The following SLC39A11 variants were observed in gnomAD, a reference collection of about 807,000 sequenced individuals.
The protein encoded by SLC39A11 is solute carrier family 39 member 11, also known as zinc transporter ZIP11.
Under a neutral mutation model 36.1 loss-of-function variants are expected in SLC39A11, and 33 were observed. That is an observed-to-expected ratio of 0.91 (90% CI 0.69 to 1.22). SLC39A11 has a LOEUF of 1.22. SLC39A11 is among the 50% of genes most tolerant of loss of function. The probability of loss-of-function intolerance (pLI) is 0.00; values close to 1 mark genes in which losing one functional copy is unlikely to be tolerated. For missense variants in SLC39A11, 432 were observed against 430.3 expected, an observed-to-expected ratio of 1.00 and a Z score of -0.03; for synonymous variants, 166 against 170.3, an observed-to-expected ratio of 0.97 and a Z score of 0.20.
At chr17:72,650,816 T>G (rs886544813) in intron 7 of SLC39A11, among the ~76,000 whole-genome samples, 2 of 152,158 alleles carry the variant, frequency 1.3e-5, no homozygotes, top group Non-Finnish European at 2.9e-5. Context: ...GACTGGTAGC[T>G]GGGACCCCTG....
At chr17:72,850,961 A>C (rs1567821926) in intron 5 of SLC39A11, among the ~76,000 whole-genome samples, 1 of 152,142 alleles carries the variant, frequency 6.6e-6, no homozygotes, top group South Asian at 2.1e-4. Flanking sequence ...TGGCCACTCC[A>C]ACGTGCAAGC....
intron 5 of SLC39A11, 97 bp downstream of exon 5, chr17:72,947,655 C>T (rs1457873818): frequency 6.4e-7 from 1 of 1,563,168 alleles, no homozygotes; most frequent in African/African-American, 1.4e-5. Context: ...TGGCATTTCT[C>T]TCACTATTCA....
chr17:73,062,475 A>AAAGAAAAAAAAAAAAAAAAAAAAAAC lies in SLC39A11; in HGVS notation c.147+22332_147+22333insGTTTTTTTTTTTTTTTTTTTTTTCTT, dbSNP rs1555698615. On this transcript the variant is annotated intron_variant, in intron 3 of 9. Coordinates refer to ENST00000255559, the MANE Select transcript of SLC39A11 (RefSeq NM_139177.4). The stretch of plus-strand genomic sequence containing the variant: ...AGAGCTTGTCTCAAAAAAAAAAAAA[A>AAAGAAAAAAAAAAAAAAAAAAAAAAC]AAACTTTAGGTGATACACTTCTGCT... Among the ~76,000 whole-genome samples the AAAGAAAAAAAAAAAAAAAAAAAAAAC allele has an allele frequency of 2.3e-5, 2 of 87,034 alleles. 1 individual carries two copies. Among genetic ancestry groups the AAAGAAAAAAAAAAAAAAAAAAAAAAC allele is most frequent in the African/African-American group, 9.1e-5 (2 of 21,886 alleles). The allele number at this position is 87,034 out of a possible 152,430, so 57.1% of individuals were successfully genotyped here.
At chr17:72,653,108 T>A (rs192970109) in intron 7 of SLC39A11, among the ~76,000 whole-genome samples, 112 of 93,318 alleles carry the variant, frequency 1.2e-3, no homozygotes, top group Non-Finnish European at 1.9e-3. Flanking sequence ...CGCTTTTTTT[T>A]TCTTTTTTTT....
chr17:73,046,050 G>C (rs750951458), intron 3 of SLC39A11, among the ~76,000 whole-genome samples: 2 of 152,156 alleles, frequency 1.3e-5, no homozygotes, highest in Non-Finnish European at 2.9e-5. Flanking sequence ...TCCTATGTTT[G>C]AAGGAGAAGA....
At position 72,940,182 on chromosome 17, in the gene SLC39A11, G is replaced by A. The variant is rs920776395; in HGVS notation, c.430+7570C>T. On this transcript the variant is annotated intron_variant, in intron 5 of 9. Transcript: ENST00000255559. ...GACTGTTTCAGGTGACAGTGGAAGC[G>A]GTCATCCCTTTAACGGTGCCATCCC... 3.9e-5 allele frequency among the ~76,000 whole-genome samples: 6 copies of A among 152,120 alleles called. No homozygotes were observed. In the East Asian group the frequency reaches 7.7e-4, roughly 20 times the overall value.
intron 3 of SLC39A11, among the ~76,000 whole-genome samples, chr17:73,080,480 C>A (rs893539605): frequency 6.6e-6 from 1 of 152,094 alleles, no homozygotes; most frequent in Non-Finnish European, 1.5e-5. Flanking sequence ...ATACAAAAAT[C>A]AACTTAAGAT....
intron 3 of SLC39A11, among the ~76,000 whole-genome samples, chr17:73,045,267 AG>A (rs1189365089): frequency 3.3e-5 from 5 of 151,916 alleles, no homozygotes; most frequent in Non-Finnish European, 2.9e-5. Context: ...TAGGTCCCCC[AG>A]GTGAAGTCCT....
chr17:73,081,981 G>A (rs1053223788), intron 3 of SLC39A11, among the ~76,000 whole-genome samples: 1 of 151,390 alleles, frequency 6.6e-6, no homozygotes, highest in Non-Finnish European at 1.5e-5. Context: ...GGCTAGGGGT[G>A]AGCGATAAAA....
intron 6 of SLC39A11, among the ~76,000 whole-genome samples, chr17:72,828,920 T>TGG (rs1252309413): frequency 6.6e-6 from 1 of 152,174 alleles, no homozygotes; most frequent in African/African-American, 2.4e-5. Context: ...GGGTTGTGTG[T>TGG]GGGGAGATTA....
At chr17:72,693,387 C>T (rs1360474310) in intron 7 of SLC39A11, among the ~76,000 whole-genome samples, 3 of 152,262 alleles carry the variant, frequency 2.0e-5, no homozygotes, top group African/African-American at 7.2e-5. Flanking sequence ...GATGTTCAGA[C>T]TGGCAGTGCT....
At chr17:72,737,327 G>T (rs376654215) in intron 6 of SLC39A11, among the ~76,000 whole-genome samples, 110 of 152,168 alleles carry the variant, frequency 7.2e-4, no homozygotes, top group African/African-American at 2.5e-3. Context: ...TTGAGTGTCT[G>T]TAAATGAAGT....
intron 4 of SLC39A11, among the ~76,000 whole-genome samples, chr17:73,026,144 A>AAAGAGAGAGCAGAGGAGAG (rs2058529578): frequency 3.7e-5 from 5 of 136,094 alleles, no homozygotes; most frequent in Admixed American, 7.8e-5. Flanking sequence ...AGAGAAGAGA[A>AAAGAGAGAGCAGAGGAGAG]AAGAGAGAGC....
intron 6 of SLC39A11, among the ~76,000 whole-genome samples, chr17:72,813,280 G>A (rs2077486402): frequency 6.6e-6 from 1 of 152,102 alleles, no homozygotes; most frequent in Admixed American, 6.5e-5. Flanking sequence ...ACTCTTTTCT[G>A]GTCCCCATTG....
At chr17:72,980,352 G>A (rs1292131588) in intron 4 of SLC39A11, among the ~76,000 whole-genome samples, 1 of 152,118 alleles carries the variant, frequency 6.6e-6, no homozygotes, top group Non-Finnish European at 1.5e-5. Context: ...CCCTAAACAT[G>A]AAAAGTCCTT....
At chr17:72,794,462 G>A (rs563166105) in intron 6 of SLC39A11, among the ~76,000 whole-genome samples, 7 of 152,064 alleles carry the variant, frequency 4.6e-5, no homozygotes, top group African/African-American at 9.7e-5. Flanking sequence ...TGAAGCCTTC[G>A]TTTCTTCTCA....
At chr17:72,867,853 T>C (rs754360846) in intron 5 of SLC39A11, among the ~76,000 whole-genome samples, 1 of 151,984 alleles carries the variant, frequency 6.6e-6, no homozygotes, top group East Asian at 1.9e-4. Context: ...AAAAAATTAA[T>C]TGAAACACTA....
chr17:72,680,939 G>A (rs569376495), intron 7 of SLC39A11, among the ~76,000 whole-genome samples: 10 of 152,114 alleles, frequency 6.6e-5, no homozygotes, highest in African/African-American at 9.6e-5. Context: ...ACACGTTTTC[G>A]GTTTCTTTGT....
intron 6 of SLC39A11, among the ~76,000 whole-genome samples, chr17:72,745,124 G>A (rs934416271): frequency 2.6e-5 from 4 of 152,244 alleles, no homozygotes; most frequent in African/African-American, 7.2e-5. Context: ...TTACCGGCAT[G>A]AGCCACTGCA....
Sources: gnomAD v4.1 joint callset for allele counts (sites outside exome capture counted in the v4.1 genomes callset) on GRCh38, gnomAD v4.1.1 for gene constraint, MANE v1.5 for transcripts, NCBI Gene and HGNC (gene_info 2026-07-23, HGNC 2026-07-21) for gene names.